SDCCAG8: variants seen among roughly 807,000 people sequenced by gnomAD.
SDCCAG8 encodes the protein serologically defined colon cancer antigen 8.
SDCCAG8 carries 74 observed loss-of-function variants against 101.8 expected under a neutral mutation model. The observed-to-expected ratio is 0.73, with a 90% confidence interval of 0.60 to 0.88. SDCCAG8 has a LOEUF of 0.88. SDCCAG8 is among the 40% of genes least tolerant of loss of function. SDCCAG8 has a pLI of 0.00. For missense variants in SDCCAG8, 787 were observed against 822.6 expected (o/e 0.96, Z 0.53); for synonymous variants, 281 against 292.9 (o/e 0.96, Z 0.41).
chr1:243,469,137 CAAT>C (rs1660722046), intron 16 of SDCCAG8, among the ~76,000 whole-genome samples: 1 of 152,210 alleles, frequency 6.6e-6, no homozygotes, highest in Non-Finnish European at 1.5e-5. Context: ...AGCCACATAT[CAAT>C]GATGATAACC....
intron 9 of SDCCAG8, 25 bp from the exon 10 acceptor site, chr1:243,330,515 C>G (rs1319271816): frequency 6.2e-7 from 1 of 1,613,948 alleles, no homozygotes; most frequent in Admixed American, 1.7e-5. Flanking sequence ...CTAACCTCCT[C>G]TTTCAATCTG....
intron 16 of SDCCAG8, among the ~76,000 whole-genome samples, chr1:243,449,634 G>A (rs866939014): frequency 3.9e-5 from 6 of 152,240 alleles, no homozygotes; most frequent in African/African-American, 4.8e-5. Flanking sequence ...TTTTGTGACC[G>A]ACGTCTGGAA....
In SDCCAG8 at chr1:243,319,107, C is replaced by T. The variant is rs570902676; in HGVS notation, c.1068+2214C>T. On this transcript the variant is annotated intron_variant, in intron 9 of 17. Coordinates refer to ENST00000366541, the MANE Select transcript of SDCCAG8 (RefSeq NM_006642.5). ...CAGGACTGAGCGAGGAGGAGAGGGG[C>T]CAGGCCCTTTCTAACAATCAGACCT... is the stretch of plus-strand genomic sequence containing the variant. 5.3e-5 allele frequency among the ~76,000 whole-genome samples: 8 copies of T among 152,158 alleles called. No homozygotes were observed. In the South Asian group the frequency reaches 6.2e-4, roughly 12 times the overall value.
At chr1:243,366,750 AT>A (rs1381319608) in intron 12 of SDCCAG8, among the ~76,000 whole-genome samples, 1 of 152,056 alleles carries the variant, frequency 6.6e-6, no homozygotes, top group Non-Finnish European at 1.5e-5. Context: ...GAATCAATTA[AT>A]ATTTTAATAG....
chr1:243,369,803 A>G (rs2077185626), intron 12 of SDCCAG8, among the ~76,000 whole-genome samples: 1 of 152,158 alleles, frequency 6.6e-6, no homozygotes, highest in Non-Finnish European at 1.5e-5. Context: ...TTGTCAGACA[A>G]TTTTAAAACT....
At position 243,458,966 on chromosome 1, in the gene SDCCAG8, GT is replaced by G. The variant is rs1441878440; in HGVS notation, c.1986-30047del. 1.7e-5 allele frequency among the ~76,000 whole-genome samples: 2 copies of G among 117,372 alleles called. No homozygotes were observed. Among genetic ancestry groups the G allele is most frequent in the African/African-American group, 6.2e-5 (2 of 32,308 alleles). The allele number at this position is 117,372 out of a possible 152,430, so 77.0% of individuals were successfully genotyped here. ...TGTGTTCTGATAGATGGAGAAAAAT[GT>G]GGTGGAGATAGTAAAATATTACCAG... On this transcript the variant is annotated intron_variant, in intron 16 of 17. Transcript: ENST00000366541. This position sits in a 1 kb window ranked among gnomAD's most constrained non-coding sequence, Gnocchi z 4.5.
At chr1:243,484,390 C>T (rs928820607) in intron 16 of SDCCAG8, among the ~76,000 whole-genome samples, 3 of 152,244 alleles carry the variant, frequency 2.0e-5, no homozygotes, top group African/African-American at 7.2e-5. Context: ...CCAGCTTGCC[C>T]GCTGAGTGAC....
intron 16 of SDCCAG8, among the ~76,000 whole-genome samples, chr1:243,442,137 A>ATAGATCATCATAT (rs1416330047): frequency 1.3e-5 from 2 of 152,212 alleles, no homozygotes; most frequent in Non-Finnish European, 2.9e-5. Context: ...GTGTAAGTGA[A>ATAGATCATCATAT]TAGATCATCA....
chr1:243,395,969 C>A (rs2079008674), intron 13 of SDCCAG8, among the ~76,000 whole-genome samples: 1 of 151,996 alleles, frequency 6.6e-6, no homozygotes, highest in African/African-American at 2.4e-5. Flanking sequence ...GATAATCCTT[C>A]AAAATATAAA....
chr1:243,393,132 T>A (rs1022562299), intron 13 of SDCCAG8, among the ~76,000 whole-genome samples: 1 of 151,926 alleles, frequency 6.6e-6, no homozygotes, highest in Non-Finnish European at 1.5e-5. Flanking sequence ...AAAATCAGGA[T>A]AAAAGAGAAA....
chr1:243,457,145 T>G (rs940344866), intron 16 of SDCCAG8, among the ~76,000 whole-genome samples: 1 of 152,184 alleles, frequency 6.6e-6, no homozygotes. Context: ...CACCTTATTT[T>G]GTAAAAAAAT....
chr1:243,460,765 T>C (rs1286562798), intron 16 of SDCCAG8, among the ~76,000 whole-genome samples: 3 of 152,140 alleles, frequency 2.0e-5, no homozygotes, highest in Non-Finnish European at 4.4e-5. Context: ...CTCCCCTGTG[T>C]AGCTTTTTCT....
chr1:243,442,554 G>A (rs1430945875), intron 16 of SDCCAG8, among the ~76,000 whole-genome samples: 1 of 151,782 alleles, frequency 6.6e-6, no homozygotes, highest in Non-Finnish European at 1.5e-5. Flanking sequence ...CGTCAGTTCT[G>A]CCTTCAGTGT....
intron 4 of SDCCAG8, among the ~76,000 whole-genome samples, chr1:243,279,441 GC>G (rs1370573690): frequency 6.6e-6 from 1 of 152,196 alleles, no homozygotes; most frequent in African/African-American, 2.4e-5. Context: ...CACTGCTGCT[GC>G]CCAGCATCAT....
intron 6 of SDCCAG8, among the ~76,000 whole-genome samples, chr1:243,300,106 G>T (rs1006304381): frequency 1.3e-5 from 2 of 151,738 alleles, no homozygotes; most frequent in Non-Finnish European, 2.9e-5. Flanking sequence ...CTCGTGATCC[G>T]CCCGCCTTGG....
chr1:243,492,364 C>T (rs1165051367), intron 17 of SDCCAG8, among the ~76,000 whole-genome samples: 2 of 117,306 alleles, frequency 1.7e-5, no homozygotes, highest in African/African-American at 6.6e-5. Flanking sequence ...TACAGTGGTG[C>T]AATCTCTGCT....
chr1:243,268,118 A>C, intron 1 of SDCCAG8: 1 of 681,716 alleles, frequency 1.5e-6, no homozygotes, highest in South Asian at 1.6e-5. Flanking sequence ...TTGCTTCCTC[A>C]TGGTCACACC....
chr1:243,429,110 T>C (rs2081537866), intron 16 of SDCCAG8, among the ~76,000 whole-genome samples: 1 of 152,312 alleles, frequency 6.6e-6, no homozygotes, highest in Admixed American at 6.5e-5. Context: ...CAAGCAAAAG[T>C]TGCATTGCAG....
intron 16 of SDCCAG8, among the ~76,000 whole-genome samples, chr1:243,480,513 G>T (rs1308356495): frequency 1.1e-4 from 3 of 26,610 alleles, no homozygotes; most frequent in Admixed American, 4.3e-4. Flanking sequence ...ATGGATAGGT[G>T]GGATGGGTGG....
Sources: gnomAD v4.1 joint callset for allele counts (sites outside exome capture counted in the v4.1 genomes callset) on GRCh38, gnomAD v4.1.1 for gene constraint, Gnocchi (gnomAD v3.1) non-coding constraint, MANE v1.5 for transcripts, NCBI Gene and HGNC (gene_info 2026-07-23, HGNC 2026-07-21) for gene names.